Variants in ZNF772 observed in about 807,000 individuals in gnomAD.
ZNF772 encodes zinc finger protein 772.
In ZNF772, 8 loss-of-function variants were observed where a neutral mutation model predicts 11.0. The observed-to-expected ratio is 0.73, with a 90% CI of 0.43 to 1.31. The LOEUF is 1.31. ZNF772 is among the 50% of genes most tolerant of loss of function. The pLI is 0.01. For synonymous variants in ZNF772, 155 were observed against 180.4 expected (o/e 0.86, Z 1.13); for missense variants, 496 against 552.3 (o/e 0.90, Z 1.02).
At position 57,473,396 on chromosome 19, in the gene ZNF772, C is replaced by T. The variant is rs758330388; in HGVS notation, c.1225G>A (p.Val409Ile). The T allele has an allele frequency of 5.0e-6, 8 of 1,613,512 alleles. No homozygotes were observed. In the East Asian group the frequency reaches 1.6e-4, roughly 31 times the overall value. Residue 409 changes from valine (V) to isoleucine (I), a missense_variant, in exon 4 of 4, where the codon GTT becomes ATT. Transcript: ENST00000356584. ...GKAFSHKHVLVQHHRIHTGER... is the reference protein window; with the variant it reads ...GKAFSHKHVLIQHHRIHTGER... ...CCAGTGTGAATTCTATGATGCTGAACAAGTACATGTTTGTGGCTAAAGGCT... is the reference window on the plus strand; with the variant it reads ...CCAGTGTGAATTCTATGATGCTGAATAAGTACATGTTTGTGGCTAAAGGCT...
Position 57,477,301 on chromosome 19 carries a change from C to T in ZNF772, c.9G>A (p.Ala3=). 1.9e-6 allele frequency: 3 copies of T among 1,613,522 alleles called. No homozygotes were observed. Among genetic ancestry groups the T allele is most frequent in the Non-Finnish European group, 2.5e-6 (3 of 1,179,616 alleles). Residue 3 remains alanine (A), a synonymous_variant, in exon 1 of 4, where the codon GCG becomes GCA. Transcript: ENST00000356584. MA[A]AEPMGPAQVP... ...CCTGTGCCGGGCCCATCGGCTCAGC[C>T]GCCGCCATCAGGCCTGTGGACTACG...
At position 57,477,301 on chromosome 19, in the gene ZNF772, CGCCGCCATCAG is replaced by C; in HGVS notation, c.-3_8del. 6.2e-7 allele frequency: 1 copy of C among 1,613,522 alleles called. No homozygotes were observed. Among genetic ancestry groups the C allele is most frequent in the Non-Finnish European group, 8.5e-7 (1 of 1,179,616 alleles). The stretch of plus-strand genomic sequence containing the variant: ...CCTGTGCCGGGCCCATCGGCTCAGC[CGCCGCCATCAG>C]GCCTGTGGACTACGGAAGGGTGGCG... On this transcript the variant is annotated start_lost and 5_prime_UTR_variant, in exon 1 of 4. Transcript: ENST00000356584.
chr19:57,476,779 T>A, intron 1 of ZNF772, 107 bp from the exon 2 acceptor site: 3 of 977,554 alleles, frequency 3.1e-6, no homozygotes, highest in Non-Finnish European at 4.5e-6. Context: ...GGGAGCTGAA[T>A]GTCTACCCTC....
chr19:57,474,508 A>T (rs2123153562), intron 3 of ZNF772, 87 bp from the exon 4 acceptor site: 1 of 1,373,094 alleles, frequency 7.3e-7, no homozygotes, highest in Non-Finnish European at 9.9e-7. Flanking sequence ...TAACACAACT[A>T]AGACCAAGGT....
Position 57,470,040 on chromosome 19 carries a change from A to T in ZNF772, c.*3234T>A, listed in dbSNP as rs1204518726. On this transcript the variant is annotated 3_prime_UTR_variant, in exon 4 of 4. Transcript: ENST00000356584. Reference sequence around the variant, plus strand: ...TAAAAAGAGCCATGTGTCAAGAAGAATTTTTTTAACTGGAAAACATCCTAA... The same window carrying T: ...TAAAAAGAGCCATGTGTCAAGAAGATTTTTTTTAACTGGAAAACATCCTAA... 6.6e-6 allele frequency: 1 copy of T among 152,208 alleles called. No individual in the cohort carries two copies. The highest frequency in any genetic ancestry group is 1.5e-5 in the Non-Finnish European group (1 of 68,050). 9.4% of individuals were successfully genotyped at this position (152,208 alleles called of 1,614,324 possible).
Position 57,472,347 on chromosome 19 carries a change from G to A in ZNF772, c.*927C>T. On this transcript the variant is annotated 3_prime_UTR_variant, in exon 4 of 4. Transcript: ENST00000356584. ...CCTCAAGAAGCCTTGGGAATATGAA[G>A]TATCTTCTGGGAACAAGGGACGTAA... 2.8e-6 allele frequency: 1 copy of A among 354,874 alleles called. No homozygotes were observed. The highest frequency in any genetic ancestry group is 2.2e-5 in the South Asian group (1 of 46,376). The allele number at this position is 354,874 out of a possible 1,614,324, so 22.0% of individuals were successfully genotyped here. A position where few individuals can be genotyped will look rare whatever the true frequency, so the allele number is the denominator to read the frequency against.
rs763198322 is a variant in ZNF772 at position 57,475,568 on chromosome 19, C to T, written c.199+92G>A. The T allele has an allele frequency of 7.9e-5, 126 of 1,586,160 alleles. 1 individual carries two copies. The highest frequency in any genetic ancestry group is 1.7e-4 in the Middle Eastern group (1 of 5,918). On this transcript the variant is annotated intron_variant, in intron 3 of 3. Transcript: ENST00000356584. The surrounding 1 kb of genome is among the most constrained non-coding windows in gnomAD (Gnocchi z 4.2). ...GCACTAAGAAATGAGACAGTGTCCA[C>T]GGCTCTGATGTAGGAAGGACAAAGA...
Position 57,475,049 on chromosome 19 carries a change from T to C in ZNF772, c.199+611A>G. ...CAGGGTCACTCCCACCTGGAGTCTCTGTGGCAACAGCTAGGGTCATGTCCA... is the reference window on the plus strand; with the variant it reads ...CAGGGTCACTCCCACCTGGAGTCTCCGTGGCAACAGCTAGGGTCATGTCCA... On this transcript the variant is annotated intron_variant, in intron 3 of 3. Transcript: ENST00000356584. This position sits in a 1 kb window ranked among gnomAD's most constrained non-coding sequence, Gnocchi z 4.2. The C allele has an allele frequency of 6.2e-7, 1 of 1,614,190 alleles. No individual in the cohort carries two copies. The highest frequency in any genetic ancestry group is 2.2e-5 in the East Asian group (1 of 44,886).
chr19:57,475,873 C>A lies in ZNF772; in HGVS notation c.73-87G>T, dbSNP rs1248187627. ...CCCCCACACATCTCCCTCCTGTACA[C>A]CCTCCTACCTAACTCCTCAACTCAG... On this transcript the variant is annotated intron_variant, in intron 2 of 3. Coordinates refer to ENST00000356584, the MANE Select transcript of ZNF772 (RefSeq NM_001144068.2). The surrounding 1 kb of genome is among the most constrained non-coding windows in gnomAD (Gnocchi z 4.2). 4 of 1,505,308 alleles carry A rather than the reference C, an allele frequency of 2.7e-6. No homozygotes were observed. The African/African-American group carries it at 4.2e-5, about 16-fold the overall frequency. The allele number at this position is 1,505,308 out of a possible 1,614,324, so 93.2% of individuals were successfully genotyped here.
Position 57,474,099 on chromosome 19 carries a change from C to A in ZNF772, c.522G>T (p.Val174=), listed in dbSNP as rs2089252918. 1 of 1,614,060 alleles carries A rather than the reference C, an allele frequency of 6.2e-7. No homozygotes were observed. The highest frequency in any genetic ancestry group is 1.3e-5 in the African/African-American group (1 of 74,926). ...TCACAAAAGACATCTCCATTGATTG[C>A]ACAGCACAGTTGTTCAGAAGAAAGG... The part of the protein sequence containing the change: ...SRPFLLNNCA[V]QSMEMSFVTG... Residue 174 remains valine, a synonymous_variant, in exon 4 of 4, where the codon GTG becomes GTT. Coordinates refer to ENST00000356584, the MANE Select transcript of ZNF772 (RefSeq NM_001144068.2).
At position 57,473,583 on chromosome 19, in the gene ZNF772, A is replaced by C. The variant is rs1272923438; in HGVS notation, c.1038T>G (p.Phe346Leu). 11 of 1,612,870 alleles carry C rather than the reference A, an allele frequency of 6.8e-6. No individual in the cohort carries two copies. The highest frequency in any genetic ancestry group is 9.3e-6 in the Non-Finnish European group (11 of 1,179,126). ...PYECSECGKY[F>L]GHKYRLIKHW... Reference sequence around the variant, plus strand: ...GTTTAATGAGTCTGTATTTGTGACCAAAGTATTTTCCACATTCGCTGCACT... The same window carrying C: ...GTTTAATGAGTCTGTATTTGTGACCCAAGTATTTTCCACATTCGCTGCACT... Residue 346 changes from phenylalanine to leucine, a missense_variant, in exon 4 of 4, where the codon TTT becomes TTG. Transcript: ENST00000356584.
chr19:57,477,350 AC>A lies in ZNF772; in HGVS notation c.-42del. On this transcript the variant is annotated 5_prime_UTR_variant, in exon 1 of 4. Transcript: ENST00000356584. ...CGGAAGGGTGGCGACAAGTGCAGGA[AC>A]CTGGGATCAGCTGTCCAGGGCCCAG... 6.2e-7 allele frequency: 1 copy of A among 1,611,938 alleles called. No homozygotes were observed.
chr19:57,477,281 G>A lies in ZNF772; in HGVS notation c.29C>T (p.Ala10Val). 1 of 1,608,666 alleles carries A rather than the reference G, an allele frequency of 6.2e-7. No homozygotes were observed. Among genetic ancestry groups the A allele is most frequent in the Non-Finnish European group, 8.5e-7 (1 of 1,178,688 alleles). ...ACTCGCAGACGCAGCACCCACCTGTGCCGGGCCCATCGGCTCAGCCGCCGC... is the reference window on the plus strand; with the variant it reads ...ACTCGCAGACGCAGCACCCACCTGTACCGGGCCCATCGGCTCAGCCGCCGC... MAAAEPMGP[A>V]QVPMNSEVIV... is the part of the protein sequence containing the mutation. The change falls in exon 1 of 4, where the codon GCA (alanine) becomes GTA (valine). Residue 10 changes from alanine to valine, a missense_variant. Ala to Val is a moderately conservative substitution (Grantham distance 64, BLOSUM62 0). Coordinates refer to ENST00000356584, the MANE Select transcript of ZNF772 (RefSeq NM_001144068.2).
At position 57,477,257 on chromosome 19, in the gene ZNF772, C is replaced by G; in HGVS notation, c.33+20G>C. 1 of 1,613,398 alleles carries G rather than the reference C, an allele frequency of 6.2e-7. No homozygotes were observed. The highest frequency in any genetic ancestry group is 8.5e-7 in the Non-Finnish European group (1 of 1,179,750). On this transcript the variant is annotated intron_variant, in intron 1 of 3. Transcript: ENST00000356584. The stretch of plus-strand genomic sequence containing the variant: ...TCAGAGATGGGGGTCAGCGCGCAGA[C>G]TCGCAGACGCAGCACCCACCTGTGC...
chr19:57,477,208 A>G lies in ZNF772; in HGVS notation c.33+69T>C, dbSNP rs112933684. The G allele has an allele frequency of 2.1e-5, 33 of 1,605,152 alleles. 1 individual carries two copies. Among genetic ancestry groups the G allele is most frequent in the South Asian group, 1.1e-4 (10 of 90,164 alleles). ...GGCCTGAGCTGCAGTAACCCGAGGA[A>G]TCGTTCATTCGAAGCTTTGGGATTC... On this transcript the variant is annotated intron_variant, in intron 1 of 3. Transcript: ENST00000356584.
At position 57,469,758 on chromosome 19, in the gene ZNF772, A is replaced by G. The variant is rs2123137383; in HGVS notation, c.*3516T>C. The G allele has an allele frequency of 6.6e-6, 1 of 152,368 alleles. No homozygotes were observed. The highest frequency in any genetic ancestry group is 2.1e-4 in the South Asian group (1 of 4,834). The allele number at this position is 152,368 out of a possible 1,614,324, so 9.4% of individuals were successfully genotyped here. A position where few individuals can be genotyped will look rare whatever the true frequency, so the allele number is the denominator to read the frequency against. ...AACCACAGAATGTCAATAAAGATAG[A>G]AAAAACTTAAATAACATCAACCATT... On this transcript the variant is annotated 3_prime_UTR_variant, in exon 4 of 4. Coordinates refer to ENST00000356584, the MANE Select transcript of ZNF772 (RefSeq NM_001144068.2).
chr19:57,473,384 T>G lies in ZNF772; in HGVS notation c.1237A>C (p.Arg413=), dbSNP rs1458564286. 4 of 1,614,210 alleles carry G rather than the reference T, an allele frequency of 2.5e-6. No homozygotes were observed. The Admixed American group carries it at 6.7e-5, about 27-fold the overall frequency. The change falls in exon 4 of 4, where the codon AGA becomes CGA. Residue 413 remains arginine (R), a synonymous_variant. Coordinates refer to ENST00000356584, the MANE Select transcript of ZNF772 (RefSeq NM_001144068.2). ...SHKHVLVQHH[R]IHTGERPYKC... is the part of the protein sequence containing the mutation. Reference sequence around the variant, plus strand: ...TATGGCCTTTCTCCAGTGTGAATTCTATGATGCTGAACAAGTACATGTTTG... The same window carrying G: ...TATGGCCTTTCTCCAGTGTGAATTCGATGATGCTGAACAAGTACATGTTTG...
Position 57,474,439 on chromosome 19 carries a change from C to T in ZNF772, c.200-18G>A. 6.3e-7 allele frequency: 1 copy of T among 1,590,378 alleles called. No homozygotes were observed. Among genetic ancestry groups the T allele is most frequent in the Non-Finnish European group, 8.5e-7 (1 of 1,171,386 alleles). ...CCAACAACCTGAAAGCAGAGAAATG[C>T]TGGTGAAGTACAAATTGACACAGGT... On this transcript the variant is annotated intron_variant, in intron 3 of 3. Transcript: ENST00000356584.
chr19:57,477,489 T>C lies in ZNF772; in HGVS notation c.-180A>G, dbSNP rs1177321875. 3.6e-5 allele frequency: 21 copies of C among 587,952 alleles called. No homozygotes were observed. The highest frequency in any genetic ancestry group is 2.3e-4 in the East Asian group (7 of 30,966). The allele number at this position is 587,952 out of a possible 1,614,324, so 36.4% of individuals were successfully genotyped here. ...CTTTTCTGTCACCTCAGGTCTGACA[T>C]TGCGTTCTGGAAACTAAACCAGTGG... On this transcript the variant is annotated 5_prime_UTR_variant, in exon 1 of 4. It removes an upstream start codon present in the reference 5' UTR. Coordinates refer to ENST00000356584, the MANE Select transcript of ZNF772 (RefSeq NM_001144068.2).
Sources: gnomAD v4.1 joint callset for allele counts on GRCh38, gnomAD v4.1.1 for gene constraint, Gnocchi (gnomAD v3.1) non-coding constraint, MANE v1.5 for transcripts, NCBI Gene and HGNC (gene_info 2026-07-23, HGNC 2026-07-21) for gene names.